The following CABP4 variants were observed in gnomAD, a reference collection of about 807,000 sequenced individuals.
CABP4 encodes calcium binding protein 4.
Under a neutral mutation model 30.7 loss-of-function variants are expected in CABP4, and 30 were observed. The ratio of observed to expected loss-of-function variants is 0.98; its 90% CI spans 0.73 to 1.33. CABP4 has a LOEUF of 1.33. Among genes scored for constraint, CABP4 ranks in the 40% most tolerant of loss-of-function variants. The probability of loss-of-function intolerance (pLI) is 0.00; values close to 1 mark genes in which losing one functional copy is unlikely to be tolerated. For missense variants in CABP4, 424 were observed against 395.5 expected (o/e 1.07, Z -0.61); for synonymous variants, 161 against 159.2 (o/e 1.01, Z -0.08).
At chr11:67,452,939 G>A (rs1162836332), upstream of CABP4, 1 of 498,546 alleles carries the variant, frequency 2.0e-6, no homozygotes, top group Non-Finnish European at 3.5e-6. Context: ...CTTTACAGGC[G>A]AGGACAGGAA....
Position 67,456,053 on chromosome 11 carries a change from C to T in CABP4, c.367-135C>T, listed in dbSNP as rs1254591484. 3.2e-6 allele frequency: 5 copies of T among 1,538,470 alleles called. No homozygotes were observed. The East Asian group carries it at 6.8e-5, about 21-fold the overall frequency. On this transcript the variant is annotated intron_variant, in intron 1 of 5. Coordinates refer to ENST00000325656, the MANE Select transcript of CABP4 (RefSeq NM_145200.5). Reference sequence around the variant, plus strand: ...AAAGGGAGCTTGCTCCTCCTGGGTCCCACGAGGCTTCAGGGTCCTTTTCCT... The same window carrying T: ...AAAGGGAGCTTGCTCCTCCTGGGTCTCACGAGGCTTCAGGGTCCTTTTCCT...
In CABP4 at chr11:67,455,673, C is replaced by G. The variant is rs1217957173; in HGVS notation, c.250C>G (p.Pro84Ala). 1.2e-6 allele frequency: 2 copies of G among 1,608,052 alleles called. No homozygotes were observed. The change falls in exon 1 of 6, where the codon CCC becomes GCC. Residue 84 changes from proline (P) to alanine (A), a missense_variant. Pro to Ala is a conservative substitution (Grantham distance 27). Transcript: ENST00000325656. ...PSTGEGPAGA[P>A]PASPGPASSR... Reference sequence around the variant, plus strand: ...CACTGGAGAGGGGCCGGCGGGCGCACCCCCTGCATCCCCTGGGCCGGCCTC... The same window carrying G: ...CACTGGAGAGGGGCCGGCGGGCGCAGCCCCTGCATCCCCTGGGCCGGCCTC...
In CABP4 at chr11:67,458,533, C is replaced by T. The variant is rs374925466; in HGVS notation, c.799+15C>T. 3.6e-4 allele frequency: 584 copies of T among 1,614,102 alleles called. 4 individuals are homozygous for T. The South Asian group carries it at 4.2e-3, about 12-fold the overall frequency. On this transcript the variant is annotated intron_variant, in intron 5 of 5. Coordinates refer to ENST00000325656, the MANE Select transcript of CABP4 (RefSeq NM_145200.5). ...AGACTTTGACGGTGAGTCTCCTTCC[C>T]GGAAAACCCTCCCGTGCTTCCAGGG... is the stretch of plus-strand genomic sequence containing the variant.
chr11:67,456,154 G>A (rs773515376), intron 1 of CABP4, 34 bp from the exon 2 acceptor site: 5 of 1,612,852 alleles, frequency 3.1e-6, no homozygotes, highest in Non-Finnish European at 4.2e-6. Flanking sequence ...AGCCGTGGCT[G>A]GCCCTGGGGA....
chr11:67,452,440 T>A, upstream of CABP4: 1 of 1,612,412 alleles, frequency 6.2e-7, no homozygotes. Flanking sequence ...GCGGCCAGTG[T>A]CCCCCATGCC....
chr11:67,458,760 C>A lies in CABP4; in HGVS notation c.*101C>A. The A allele has an allele frequency of 7.2e-7, 1 of 1,388,532 alleles. No homozygotes were observed. The highest frequency in any genetic ancestry group is 2.3e-5 in the East Asian group (1 of 42,894). The allele number at this position is 1,388,532 out of a possible 1,614,324, so 86.0% of individuals were successfully genotyped here. On this transcript the variant is annotated 3_prime_UTR_variant, in exon 6 of 6. Transcript: ENST00000325656. The stretch of plus-strand genomic sequence containing the variant: ...AGCCTCCAGGATGGAGATGGAGACC[C>A]AGCAGCCCCCAGACTACTTCTATCC...
rs927121590 is a variant in CABP4, at chr11:67,460,400, T to C, written c.*1741T>C. ...TCACTTGAGCCCAGGAGGCAGAGGT[T>C]GCAGTGAGTCGAGATCGCACCACTG... On this transcript the variant is annotated 3_prime_UTR_variant, in exon 6 of 6. Coordinates refer to ENST00000325656, the MANE Select transcript of CABP4 (RefSeq NM_145200.5). The C allele has an allele frequency of 2.6e-5, 4 of 152,046 alleles. No homozygotes were observed. The highest frequency in any genetic ancestry group is 9.7e-5 in the African/African-American group (4 of 41,368). 9.4% of individuals were successfully genotyped at this position (152,046 alleles called of 1,614,324 possible). A position where few individuals can be genotyped will look rare whatever the true frequency, so the allele number is the denominator to read the frequency against.
intron 3 of CABP4, among the ~76,000 whole-genome samples, chr11:67,457,168 G>T (rs536337660): frequency 6.6e-6 from 1 of 152,312 alleles, no homozygotes; most frequent in Admixed American, 6.5e-5. Context: ...GTGTTCGGAG[G>T]TGGCATTTAT....
chr11:67,454,454 G>A (rs561361760), upstream of CABP4, among the ~76,000 whole-genome samples: 1 of 152,152 alleles, frequency 6.6e-6, no homozygotes, highest in African/African-American at 2.4e-5. Flanking sequence ...CAGGCACCCC[G>A]AGACTGGGGC....
At chr11:67,452,988 G>GTC, upstream of CABP4, 1 of 411,866 alleles carries the variant, frequency 2.4e-6, no homozygotes. Flanking sequence ...GGAGGTGCCA[G>GTC]GGCTCAACCC....
In CABP4 at chr11:67,460,986, GAA is replaced by G. The variant is rs766971670; in HGVS notation, c.*2343_*2344del. Among the ~76,000 whole-genome samples, 5 of 80,140 alleles carry G rather than the reference GAA, an allele frequency of 6.2e-5. No homozygotes were observed. Among genetic ancestry groups the G allele is most frequent in the East Asian group, 3.7e-4 (1 of 2,694 alleles). The allele number at this position is 80,140 out of a possible 152,430, so 52.6% of individuals were successfully genotyped here. A position where few individuals can be genotyped will look rare whatever the true frequency, so the allele number is the denominator to read the frequency against. ...GGCTACAGAGCGAGACTCCGTCTCG[GAA>G]AAAAAAAAAAAAAAAGGTCACTGGA... On this transcript the variant is annotated 3_prime_UTR_variant, in exon 6 of 6. Transcript: ENST00000325656.
At chr11:67,454,565 C>T (rs1027579902), upstream of CABP4, among the ~76,000 whole-genome samples, 9 of 152,204 alleles carry the variant, frequency 5.9e-5, no homozygotes, top group Non-Finnish European at 8.8e-5. Flanking sequence ...GCTGTCCCCC[C>T]GGCCCTCACT....
At position 67,458,972 on chromosome 11, in the gene CABP4, T is replaced by C. The variant is rs1156868188; in HGVS notation, c.*313T>C. The C allele has an allele frequency of 2.1e-6, 1 of 485,360 alleles. No individual in the cohort carries two copies. Among genetic ancestry groups the C allele is most frequent in the Non-Finnish European group, 3.8e-6 (1 of 264,554 alleles). 30.1% of individuals were successfully genotyped at this position (485,360 alleles called of 1,614,324 possible). A position where few individuals can be genotyped will look rare whatever the true frequency, so the allele number is the denominator to read the frequency against. On this transcript the variant is annotated 3_prime_UTR_variant, in exon 6 of 6. Coordinates refer to ENST00000325656, the MANE Select transcript of CABP4 (RefSeq NM_145200.5). ...GTTCCCTGGCACTGGCAGCATTCAG[T>C]GGGGACCCCCCAGTGGCATGATGAA...
rs1864933887 is a variant in CABP4 at position 67,459,087 on chromosome 11, T to C, written c.*428T>C. The C allele has an allele frequency of 1.4e-5, 3 of 219,404 alleles. No homozygotes were observed. Among genetic ancestry groups the C allele is most frequent in the Non-Finnish European group, 1.9e-5 (2 of 107,794 alleles). 13.6% of individuals were successfully genotyped at this position (219,404 alleles called of 1,614,324 possible). ...TGAGCCGGGTGCAGTGGCTCACACC[T>C]GTAAGCCCAGCTGTCAGGGGGCAGA... On this transcript the variant is annotated 3_prime_UTR_variant, in exon 6 of 6. Coordinates refer to ENST00000325656, the MANE Select transcript of CABP4 (RefSeq NM_145200.5).
Position 67,458,410 on chromosome 11 carries a change from C to G in CABP4, c.691C>G (p.Leu231Val). The G allele has an allele frequency of 1.9e-6, 3 of 1,613,554 alleles. No homozygotes were observed. The highest frequency in any genetic ancestry group is 2.5e-6 in the Non-Finnish European group (3 of 1,179,678). ...DRDGRITVAE[L>V]REAVPALLGE... ...GGATGGACGAATTACGGTGGCGGAGCTGCGGGAGGCGGTACCGGCTCTGCT... is the reference window on the plus strand; with the variant it reads ...GGATGGACGAATTACGGTGGCGGAGGTGCGGGAGGCGGTACCGGCTCTGCT... Residue 231 changes from leucine to valine, a missense_variant, in exon 5 of 6, where the codon CTG becomes GTG. Coordinates refer to ENST00000325656, the MANE Select transcript of CABP4 (RefSeq NM_145200.5).
In CABP4 at chr11:67,458,437, G is replaced by A. The variant is rs200006745; in HGVS notation, c.718G>A (p.Gly240Arg). 1.2e-4 allele frequency: 187 copies of A among 1,613,800 alleles called. No homozygotes were observed. Among genetic ancestry groups the A allele is most frequent in the Non-Finnish European group, 2.9e-5 (34 of 1,179,954 alleles). ...GCGGGAGGCGGTACCGGCTCTGCTC[G>A]GGGAGCCGCTGGCGGGTCCTGAGCT... The part of the protein sequence containing the change: ...ELREAVPALL[G>R]EPLAGPELDE... Residue 240 changes from glycine (G) to arginine (R), a missense_variant, in exon 5 of 6, where the codon GGG (glycine) becomes AGG (arginine). Gly to Arg is a moderately radical substitution (Grantham distance 125, BLOSUM62 -2). Transcript: ENST00000325656.
chr11:67,457,776 G>A, intron 4 of CABP4, 94 bp downstream of exon 4: 2 of 1,039,710 alleles, frequency 1.9e-6, no homozygotes, highest in Non-Finnish European at 2.8e-6. Context: ...AAGGCCTAGA[G>A]CCCTGCAGGC....
At chr11:67,452,843 C>T, upstream of CABP4, 2 of 779,124 alleles carry the variant, frequency 2.6e-6, no homozygotes, top group Non-Finnish European at 4.1e-6. Flanking sequence ...ACCATCCCTC[C>T]CTGCGCCATT....
rs1414687784 is a variant in CABP4, at chr11:67,456,178, C to T, written c.367-10C>T. 4 of 1,613,000 alleles carry T rather than the reference C, an allele frequency of 2.5e-6. No homozygotes were observed. The highest frequency in any genetic ancestry group is 3.3e-5 in the Admixed American group (2 of 59,998). Reference sequence around the variant, plus strand: ...TGGCCCTGGGGACATCCTGGACTCTCCCCCTGCAGGACCGCGAACTGGGCC... The same window carrying T: ...TGGCCCTGGGGACATCCTGGACTCTTCCCCTGCAGGACCGCGAACTGGGCC... On this transcript the variant is annotated splice_polypyrimidine_tract_variant and intron_variant, in intron 1 of 5. Transcript: ENST00000325656.
Sources: allele counts gnomAD v4.1 joint callset (sites outside exome capture counted in the v4.1 genomes callset), GRCh38; gene constraint gnomAD v4.1.1; transcripts MANE v1.5; gene names NCBI Gene and HGNC (gene_info 2026-07-23, HGNC 2026-07-21).